The following CEACAM8 variants were observed in gnomAD, a reference collection of about 807,000 sequenced individuals.
CEACAM8 encodes the protein CEA cell adhesion molecule 8, also known as cell adhesion molecule CEACAM8.
CEACAM8 carries 31 observed loss-of-function variants against 33.4 expected under a neutral mutation model. The ratio of observed to expected loss-of-function variants is 0.93; its 90% CI spans 0.70 to 1.25. The LOEUF (loss-of-function observed/expected upper bound fraction) is 1.25, where lower values mean the gene tolerates loss of function less well. Ranked by LOEUF, CEACAM8 falls within the 50% of genes most tolerant of loss-of-function variation. The pLI, the probability that CEACAM8 is intolerant of heterozygous loss-of-function variation, is 0.00. For synonymous variants in CEACAM8, 138 were observed against 164.5 expected (o/e 0.84, Z 1.23); for missense variants, 388 against 434.6 (o/e 0.89, Z 0.95).
chr19:42,589,548 AC>A lies in CEACAM8; in HGVS notation c.611del (p.Ser204MetfsTer7). 1.2e-6 allele frequency: 2 copies of A among 1,614,204 alleles called. No homozygotes were observed. Among genetic ancestry groups the A allele is most frequent in the Non-Finnish European group, 1.7e-6 (2 of 1,180,032 alleles). Reference protein sequence around the residue: ...SNGNRTLTLLSVTRNDVGPYE... With the variant: ...SNGNRTLTLLXVTRNDVGPYE... ...AGGGTCCTACGTCATTCCTTGTGAC[AC>A]TGAGTAGAGTGAGGGTCCTGTTGCC... On this transcript the variant is annotated frameshift_variant, in exon 3 of 6. Transcript: ENST00000244336. LOFTEE classifies it high-confidence loss of function.
chr19:42,583,861 G>A (rs942609556), intron 4 of CEACAM8, among the ~76,000 whole-genome samples: 1 of 152,142 alleles, frequency 6.6e-6, no homozygotes, highest in African/African-American at 2.4e-5. Context: ...GTTGGAGGAC[G>A]CCCCATCAGC....
chr19:42,586,925 C>A (rs1444303670), intron 4 of CEACAM8, among the ~76,000 whole-genome samples: 1 of 152,118 alleles, frequency 6.6e-6, no homozygotes, highest in Non-Finnish European at 1.5e-5. Context: ...GGACAAAAGA[C>A]TGAAATAGAG....
intron 4 of CEACAM8, 43 bp downstream of exon 4, chr19:42,588,739 ACT>A: frequency 6.2e-7 from 1 of 1,606,440 alleles, no homozygotes; most frequent in African/African-American, 1.3e-5. Flanking sequence ...AGCCAGATAG[ACT>A]CTACCAGAAA....
In CEACAM8 at chr19:42,588,168, G is replaced by C. The variant is rs564197387; in HGVS notation, c.958+616C>G. 3.9e-5 allele frequency among the ~76,000 whole-genome samples: 6 copies of C among 152,248 alleles called. No individual in the cohort carries two copies. In the South Asian group the frequency reaches 8.3e-4, roughly 21 times the overall value. ...TTCCCATTTTTGTGCAGCCTGACTG[G>C]GGGGAGGCTTGGCTTCAACTGGCAA... On this transcript the variant is annotated intron_variant, in intron 4 of 5. Coordinates refer to ENST00000244336, the MANE Select transcript of CEACAM8 (RefSeq NM_001816.4).
chr19:42,591,790 A>AAAG (rs1600302175), intron 2 of CEACAM8, among the ~76,000 whole-genome samples: 1 of 152,140 alleles, frequency 6.6e-6, no homozygotes, highest in Non-Finnish European at 1.5e-5. Flanking sequence ...TCTAGTCTCT[A>AAAG]AAGAGGTTTT....
intron 5 of CEACAM8, among the ~76,000 whole-genome samples, chr19:42,582,091 A>G (rs988587712): frequency 1.3e-5 from 2 of 151,468 alleles, no homozygotes; most frequent in Non-Finnish European, 2.9e-5. Flanking sequence ...ACTCCCAGCT[A>G]AAGAACCATT....
intron 1 of CEACAM8, 142 bp downstream of exon 1, chr19:42,594,623 T>G: frequency 7.9e-6 from 5 of 632,170 alleles, no homozygotes; most frequent in Non-Finnish European, 1.1e-5. Context: ...TTGTGACCCC[T>G]TCCCCTCTCT....
intron 4 of CEACAM8, among the ~76,000 whole-genome samples, chr19:42,588,270 G>A (rs2042370284): frequency 6.6e-6 from 1 of 152,200 alleles, no homozygotes; most frequent in African/African-American, 2.4e-5. Context: ...GGTGGAGTCA[G>A]GGCAGGGCCT....
At chr19:42,585,319 AAAAAAAAAAACAAAC>A (rs1379871705) in intron 4 of CEACAM8, among the ~76,000 whole-genome samples, 1 of 149,302 alleles carries the variant, frequency 6.7e-6, no homozygotes, top group Non-Finnish European at 1.5e-5. Context: ...CTCTCAAAAA[AAAAAAAAAAACAAAC>A]AAAAAAAAAA....
In CEACAM8 at chr19:42,593,632, G is replaced by C. The variant is rs779605001; in HGVS notation, c.333C>G (p.Asn111Lys). 6.2e-7 allele frequency: 1 copy of C among 1,613,688 alleles called. No individual in the cohort carries two copies. ...AGGATCCTGTGTCATTTCTGGTGAC[G>C]TTCCGCATCAGCAGGGATGCATTGG... ...IYPNASLLMR[N>K]VTRNDTGSYT... Residue 111 changes from asparagine (N) to lysine (K), a missense_variant, in exon 2 of 6, where the codon AAC becomes AAG. Transcript: ENST00000244336.
chr19:42,583,836 T>C (rs548809873), intron 4 of CEACAM8, among the ~76,000 whole-genome samples: 32 of 152,208 alleles, frequency 2.1e-4, no homozygotes, highest in Admixed American at 1.4e-3. Flanking sequence ...TCTGTTTAAC[T>C]CTGATGGGTG....
chr19:42,591,663 C>T (rs982404949), intron 2 of CEACAM8, among the ~76,000 whole-genome samples: 40 of 152,304 alleles, frequency 2.6e-4, no homozygotes, highest in Non-Finnish European at 1.0e-4. Context: ...GCCAGTGGCT[C>T]ATGCGTCTCC....
intron 4 of CEACAM8, 62 bp downstream of exon 4, chr19:42,588,722 C>G: frequency 1.3e-6 from 2 of 1,584,466 alleles, no homozygotes; most frequent in East Asian, 2.2e-5. Context: ...TCTGGCTCAT[C>G]TCTGAAAGCC....
At chr19:42,592,302 C>T (rs552075495) in intron 2 of CEACAM8, among the ~76,000 whole-genome samples, 1 of 150,342 alleles carries the variant, frequency 6.7e-6, no homozygotes, top group East Asian at 1.9e-4. Context: ...CAATAATAAG[C>T]TTCTATTAAA....
intron 2 of CEACAM8, among the ~76,000 whole-genome samples, chr19:42,593,149 A>G (rs528949500): frequency 6.6e-6 from 1 of 152,312 alleles, no homozygotes; most frequent in South Asian, 2.1e-4. Flanking sequence ...AGGGGTCTGG[A>G]GCAGGGGCTT....
rs1464422340 is a variant in CEACAM8, at chr19:42,589,353, G to A, written c.703+104C>T. On this transcript the variant is annotated intron_variant, in intron 3 of 5. Coordinates refer to ENST00000244336, the MANE Select transcript of CEACAM8 (RefSeq NM_001816.4). ...ACGAGCTGGGTTTCTAGGGGTGGGT[G>A]GGGAATCTGCATTTTTGGAGCTGAG... 2.1e-5 allele frequency: 33 copies of A among 1,544,928 alleles called. No individual in the cohort carries two copies. The East Asian group carries it at 7.2e-4, about 34-fold the overall frequency.
rs1276518679 is a variant in CEACAM8, at chr19:42,589,099, T to C, written c.704-61A>G. ...CAGAGGGAAGGGGAAGCTCCTGGTCTGTGGAAGAGCCACAGTGTCCCTCTG... is the reference window on the plus strand; with the variant it reads ...CAGAGGGAAGGGGAAGCTCCTGGTCCGTGGAAGAGCCACAGTGTCCCTCTG... On this transcript the variant is annotated intron_variant, in intron 3 of 5. Coordinates refer to ENST00000244336, the MANE Select transcript of CEACAM8 (RefSeq NM_001816.4). 9.6e-6 allele frequency: 15 copies of C among 1,556,260 alleles called. No homozygotes were observed. The East Asian group carries it at 2.7e-4, about 28-fold the overall frequency.
At chr19:42,586,962 G>A (rs2042346976) in intron 4 of CEACAM8, among the ~76,000 whole-genome samples, 1 of 151,984 alleles carries the variant, frequency 6.6e-6, no homozygotes, top group East Asian at 1.9e-4. Context: ...TATACAAATG[G>A]CCAATGAGCA....
At chr19:42,584,695 G>A (rs2042306144) in intron 4 of CEACAM8, among the ~76,000 whole-genome samples, 1 of 152,200 alleles carries the variant, frequency 6.6e-6, no homozygotes, top group South Asian at 2.1e-4. Context: ...GCTCAGAGAA[G>A]TTAAGAATCT....
Sources: gnomAD v4.1 joint callset for allele counts (sites outside exome capture counted in the v4.1 genomes callset) on GRCh38, gnomAD v4.1.1 for gene constraint, MANE v1.5 for transcripts, NCBI Gene and HGNC (gene_info 2026-07-23, HGNC 2026-07-21) for gene names.